The following IRAG1 variants were observed in gnomAD, a reference collection of about 807,000 sequenced individuals.
IRAG1 encodes the protein inositol 1,4,5-triphosphate receptor associated 1.
IRAG1 carries 62 observed loss-of-function variants against 106.2 expected under a neutral mutation model. That is an observed-to-expected ratio of 0.58 (90% CI 0.48 to 0.72). IRAG1 has a LOEUF of 0.72. IRAG1 is among the 30% of genes least tolerant of loss of function. IRAG1 has a pLI of 0.00. For synonymous variants in IRAG1, 462 were observed against 443.9 expected (o/e 1.04, Z -0.51); for missense variants, 1,064 against 1,140.7 (o/e 0.93, Z 0.97).
At chr11:10,577,186 T>C (rs1564885510) in intron 20 of IRAG1, among the ~76,000 whole-genome samples, 2 of 152,222 alleles carry the variant, frequency 1.3e-5, no homozygotes, top group Non-Finnish European at 2.9e-5. Context: ...AGGCAGAAGA[T>C]TAGAAGCCTC....
chr11:10,576,178 G>A lies in IRAG1; in HGVS notation c.*154C>T. On this transcript the variant is annotated 3_prime_UTR_variant, in exon 21 of 21. Coordinates refer to ENST00000423302, the MANE Select transcript of IRAG1 (RefSeq NM_130385.4). Reference sequence around the variant, plus strand: ...AACATCAAGTCACTGTGTATGAATAGCTCCCACAGAAGTGCCGAGTGTTAA... The same window carrying A: ...AACATCAAGTCACTGTGTATGAATAACTCCCACAGAAGTGCCGAGTGTTAA... 2 of 928,018 alleles carry A rather than the reference G, an allele frequency of 2.2e-6. No individual in the cohort carries two copies. The allele number at this position is 928,018 out of a possible 1,614,324, so 57.5% of individuals were successfully genotyped here.
At chr11:10,579,793 A>T (rs533402724) in intron 20 of IRAG1, among the ~76,000 whole-genome samples, 2 of 152,232 alleles carry the variant, frequency 1.3e-5, no homozygotes, top group Admixed American at 6.5e-5. Flanking sequence ...GGCAGGAACC[A>T]CAAGTGGGAC....
At chr11:10,658,825 T>C (rs536391271) in intron 1 of IRAG1, among the ~76,000 whole-genome samples, 106 of 147,636 alleles carry the variant, frequency 7.2e-4, no homozygotes, top group African/African-American at 2.6e-3. Flanking sequence ...GTGCTGTGGT[T>C]ACCCCATGTC....
chr11:10,689,345 G>T (rs1444446023), intron 1 of IRAG1, among the ~76,000 whole-genome samples: 1 of 152,220 alleles, frequency 6.6e-6, no homozygotes, highest in Non-Finnish European at 1.5e-5. Flanking sequence ...ACCCTGGACA[G>T]TCGGTCAACC....
At chr11:10,601,188 A>T in intron 14 of IRAG1, 129 bp from the exon 15 acceptor site, 1 of 1,313,596 alleles carries the variant, frequency 7.6e-7, no homozygotes, top group Non-Finnish European at 1.0e-6. Flanking sequence ...TGCCCTCTGA[A>T]GAGTTTGCTG....
Position 10,628,093 on chromosome 11 carries a change from A to T in IRAG1, c.653-68T>A. ...GGCCCTCAGCTGTGCTTTCAGCCAC[A>T]TCTCCCTCCCCGGGCTATCCTCCCT... On this transcript the variant is annotated intron_variant, in intron 6 of 20. Coordinates refer to ENST00000423302, the MANE Select transcript of IRAG1 (RefSeq NM_130385.4). This position sits in a 1 kb window ranked among gnomAD's most constrained non-coding sequence, Gnocchi z 4.1. 6.5e-7 allele frequency: 1 copy of T among 1,543,670 alleles called. No individual in the cohort carries two copies. Among genetic ancestry groups the T allele is most frequent in the Non-Finnish European group, 8.9e-7 (1 of 1,122,078 alleles).
rs1277926826 is a variant in IRAG1, at chr11:10,627,987, C to T, written c.691G>A (p.Gly231Arg). 3.1e-6 allele frequency: 5 copies of T among 1,609,340 alleles called. No homozygotes were observed. Among genetic ancestry groups the T allele is most frequent in the Non-Finnish European group, 4.2e-6 (5 of 1,176,920 alleles). The change falls in exon 7 of 21, where the codon GGA (glycine) becomes AGA (arginine). Residue 231 changes from glycine (G) to arginine (R), a missense_variant. Gly to Arg is a moderately radical substitution (Grantham distance 125, BLOSUM62 -2). Transcript: ENST00000423302. The part of the protein sequence containing the change: ...VCSGPPSPLP[G>R]APPQKGDEAD... The stretch of plus-strand genomic sequence containing the variant: ...GGTCCTGTCACCTGTGGTGGTGCTC[C>T]AGGCAGAGGGGATGGCGGGCCACTG...
chr11:10,677,254 A>G (rs576183194), intron 1 of IRAG1, among the ~76,000 whole-genome samples: 3 of 152,212 alleles, frequency 2.0e-5, no homozygotes, highest in Admixed American at 2.0e-4. Context: ...ATCCACAACT[A>G]CCTTCTCTTC....
intron 20 of IRAG1, among the ~76,000 whole-genome samples, chr11:10,577,856 C>G (rs1427158253): frequency 6.6e-6 from 1 of 152,212 alleles, no homozygotes; most frequent in Non-Finnish European, 1.5e-5. Flanking sequence ...TTAAGGAAAG[C>G]ACGAAAGTGA....
At position 10,683,206 on chromosome 11, in the gene IRAG1, C is replaced by T. The variant is rs879388815; in HGVS notation, c.67+10330G>A. Among the ~76,000 whole-genome samples, 9 of 152,184 alleles carry T rather than the reference C, an allele frequency of 5.9e-5. No individual in the cohort carries two copies. The South Asian group carries it at 1.9e-3, about 32-fold the overall frequency. ...TTGTATGGGGAATTCTACAGTGTTA[C>T]GGAACTGATGTAGCACCCTCATGTA... On this transcript the variant is annotated intron_variant, in intron 1 of 20. Transcript: ENST00000423302.
intron 20 of IRAG1, among the ~76,000 whole-genome samples, chr11:10,578,521 G>C (rs1329151030): frequency 6.6e-6 from 1 of 152,214 alleles, no homozygotes; most frequent in Non-Finnish European, 1.5e-5. Flanking sequence ...TCTCTTAAGC[G>C]ATCAGCAGCT....
chr11:10,594,725 A>G (rs1285416701), intron 15 of IRAG1, among the ~76,000 whole-genome samples: 3 of 152,218 alleles, frequency 2.0e-5, no homozygotes, highest in African/African-American at 7.2e-5. Context: ...GATATAACTC[A>G]CGTAATATGT....
intron 10 of IRAG1, among the ~76,000 whole-genome samples, chr11:10,617,580 C>T (rs746489748): frequency 1.5e-4 from 23 of 152,328 alleles, no homozygotes; most frequent in Admixed American, 3.3e-4. Flanking sequence ...TCCAGCTTAT[C>T]AGCAGTACAG....
chr11:10,637,380 T>C (rs1857219629), intron 2 of IRAG1, among the ~76,000 whole-genome samples: 1 of 152,044 alleles, frequency 6.6e-6, no homozygotes, highest in South Asian at 2.1e-4. Context: ...CATCCTTCTG[T>C]CAAGGACTCC....
chr11:10,632,670 C>T (rs937033669), intron 3 of IRAG1, among the ~76,000 whole-genome samples: 15 of 152,192 alleles, frequency 9.9e-5, no homozygotes, highest in Admixed American at 1.3e-4. Flanking sequence ...GATTCTGACG[C>T]GTGCTAAAGT....
At chr11:10,672,783 A>T (rs1340319845) in intron 1 of IRAG1, among the ~76,000 whole-genome samples, 1 of 152,228 alleles carries the variant, frequency 6.6e-6, no homozygotes, top group Non-Finnish European at 1.5e-5. Context: ...AAGGTTGAAC[A>T]TAGGATTACT....
intron 16 of IRAG1, 40 bp downstream of exon 16, chr11:10,594,106 A>G: frequency 6.4e-7 from 1 of 1,563,618 alleles, no homozygotes; most frequent in Non-Finnish European, 8.7e-7. Flanking sequence ...CTTCTGTCAT[A>G]CTCCTTCCAG....
intron 2 of IRAG1, among the ~76,000 whole-genome samples, chr11:10,640,595 G>T (rs1242343774): frequency 6.6e-6 from 1 of 152,198 alleles, no homozygotes; most frequent in Non-Finnish European, 1.5e-5. Flanking sequence ...AGTAATCCAG[G>T]AGAGAGTGTG....
chr11:10,678,313 A>C (rs201373757), intron 1 of IRAG1, among the ~76,000 whole-genome samples: 1 of 152,218 alleles, frequency 6.6e-6, no homozygotes. Context: ...AGAGAGCCCA[A>C]GGTTCTTAGA....
Sources: gnomAD v4.1 joint callset for allele counts (sites outside exome capture counted in the v4.1 genomes callset) on GRCh38, gnomAD v4.1.1 for gene constraint, Gnocchi (gnomAD v3.1) non-coding constraint, MANE v1.5 for transcripts, NCBI Gene and HGNC (gene_info 2026-07-23, HGNC 2026-07-21) for gene names.